SYNJ2: variants seen among roughly 807,000 people sequenced by gnomAD.
SYNJ2 encodes the protein synaptojanin 2.
A neutral mutation model predicts 141.3 loss-of-function variants in SYNJ2; 116 were observed. That is an observed-to-expected ratio of 0.82 (90% confidence interval 0.71 to 0.96). The LOEUF is 0.96. Among genes scored for constraint, SYNJ2 ranks in the 40% least tolerant of loss-of-function variants. SYNJ2 has a pLI of 0.00. For synonymous variants in SYNJ2, 745 were observed against 777.7 expected (o/e 0.96, Z 0.70); for missense variants, 1,873 against 1,934.8 (o/e 0.97, Z 0.60).
intron 6 of SYNJ2, among the ~76,000 whole-genome samples, chr6:158,055,371 A>G (rs1398719865): frequency 6.6e-6 from 1 of 152,224 alleles, no homozygotes; most frequent in Non-Finnish European, 1.5e-5. Context: ...GTTTTAAAAT[A>G]GTATAGAATA....
rs747979746 is a variant in SYNJ2 at position 158,069,580 on chromosome 6, C to T, written c.1847C>T (p.Ser616Leu). Residue 616 changes from serine (S) to leucine (L), a missense_variant, in exon 14 of 27, where the codon TCA (serine) becomes TTA (leucine). Physicochemically the swap from Ser to Leu is moderately radical, Grantham distance 145. Transcript: ENST00000355585. ...MWGEQLQKAI[S>L]RSHRYILLTS... The stretch of plus-strand genomic sequence containing the variant: ...GGTGAACAGCTTCAGAAAGCCATCT[C>T]ACGCTCTCATAGATACATTCTGTTG... 5 of 1,613,942 alleles carry T rather than the reference C, an allele frequency of 3.1e-6. No homozygotes were observed. In the South Asian group the frequency reaches 3.3e-5, roughly 11 times the overall value.
intron 2 of SYNJ2, among the ~76,000 whole-genome samples, chr6:158,026,370 C>T (rs544226869): frequency 2.6e-5 from 4 of 152,324 alleles, no homozygotes; most frequent in South Asian, 2.1e-4. Context: ...CCTCTCTGTG[C>T]GTCTGTTTCC....
In SYNJ2 at chr6:158,095,647, A is replaced by T; in HGVS notation, c.3774A>T (p.Gln1258His). Residue 1258 changes from glutamine to histidine, a missense_variant, in exon 27 of 27, where the codon CAA becomes CAT. By Grantham distance (24) the Gln-to-His change is conservative. Coordinates refer to ENST00000355585, the MANE Select transcript of SYNJ2 (RefSeq NM_003898.4). ...TGTCACCGGAAGAACAGTTTGAGCA[A>T]CAGACTGTCCATTTTACAATCGGGC... Reference protein sequence around the residue: ...KPLSPEEQFEQQTVHFTIGPP... With the variant: ...KPLSPEEQFEHQTVHFTIGPP... 1 of 1,610,446 alleles carries T rather than the reference A, an allele frequency of 6.2e-7. No homozygotes were observed. Among genetic ancestry groups the T allele is most frequent in the African/African-American group, 1.3e-5 (1 of 74,838 alleles).
chr6:157,989,738 G>C (rs1777344471), intron 1 of SYNJ2, among the ~76,000 whole-genome samples: 1 of 152,110 alleles, frequency 6.6e-6, no homozygotes, highest in Non-Finnish European at 1.5e-5. Flanking sequence ...GCCCCCCAGT[G>C]CAAAGGATGC....
At chr6:158,010,782 A>G (rs1778234116) in intron 1 of SYNJ2, among the ~76,000 whole-genome samples, 1 of 152,110 alleles carries the variant, frequency 6.6e-6, no homozygotes. Context: ...ATGGAGGGAC[A>G]TGTGGGGAGA....
intron 18 of SYNJ2, among the ~76,000 whole-genome samples, chr6:158,079,534 G>A (rs368754195): frequency 4.0e-5 from 6 of 151,840 alleles, no homozygotes; most frequent in Non-Finnish European, 7.4e-5. Context: ...CACCATGCCC[G>A]GCTGATTTTT....
intron 4 of SYNJ2, among the ~76,000 whole-genome samples, chr6:158,041,337 T>A (rs1302975183): frequency 2.0e-5 from 3 of 152,210 alleles, no homozygotes; most frequent in Non-Finnish European, 4.4e-5. Flanking sequence ...AGGTGAGACA[T>A]CACTTCTTCC....
intron 1 of SYNJ2, among the ~76,000 whole-genome samples, chr6:157,996,509 G>A (rs1424508816): frequency 6.6e-6 from 1 of 152,084 alleles, no homozygotes; most frequent in Non-Finnish European, 1.5e-5. Context: ...ACTGCATTCA[G>A]CAGCCTGACT....
intron 1 of SYNJ2, among the ~76,000 whole-genome samples, chr6:158,006,332 C>T (rs763696641): frequency 6.6e-6 from 1 of 152,164 alleles, no homozygotes; most frequent in Non-Finnish European, 1.5e-5. Flanking sequence ...CCTCCCCATT[C>T]AGGTTTTTGC....
chr6:158,063,659 CAAAAAAAAAAAAAA>C (rs71298907), intron 8 of SYNJ2, 118 bp from the exon 9 acceptor site: 74 of 188,806 alleles, frequency 3.9e-4, no homozygotes, highest in Non-Finnish European at 6.3e-4. Context: ...GACTCTGTCT[CAAAAAAAAAAAAAA>C]AAAAAAAAAA....
intron 1 of SYNJ2, among the ~76,000 whole-genome samples, chr6:157,988,251 T>C (rs1185413235): frequency 6.6e-6 from 1 of 152,176 alleles, no homozygotes; most frequent in Non-Finnish European, 1.5e-5. Context: ...CGAGGCTCCC[T>C]GCAGGGGGGC....
rs148555169 is a variant in SYNJ2, at chr6:158,053,696, T to C, written c.796-1271T>C. Among the ~76,000 whole-genome samples, 1,342 of 150,978 alleles carry C rather than the reference T, an allele frequency of 8.9e-3. 23 individuals carry two copies. Among genetic ancestry groups the C allele is most frequent in the African/African-American group, 0.031 (1,270 of 41,014 alleles). On this transcript the variant is annotated intron_variant, in intron 5 of 26. Coordinates refer to ENST00000355585, the MANE Select transcript of SYNJ2 (RefSeq NM_003898.4). ...CTCTATCCAGCCAGTCATCCATCCA[T>C]CCATCCAGTCATCCACCCATCCAGC...
intron 1 of SYNJ2, among the ~76,000 whole-genome samples, chr6:158,008,027 A>C (rs1778136625): frequency 6.6e-6 from 1 of 152,110 alleles, no homozygotes; most frequent in Admixed American, 6.5e-5. Context: ...CCTGGGCTCA[A>C]CCAGTCCTCC....
intron 8 of SYNJ2, among the ~76,000 whole-genome samples, chr6:158,063,345 G>C (rs1056381583): frequency 7.9e-5 from 12 of 152,090 alleles, no homozygotes; most frequent in Non-Finnish European, 1.6e-4. Context: ...TGGGGTTTCT[G>C]GGGGGCTATT....
intron 5 of SYNJ2, among the ~76,000 whole-genome samples, chr6:158,049,216 A>G (rs1780421376): frequency 6.6e-6 from 1 of 152,156 alleles, no homozygotes; most frequent in Non-Finnish European, 1.5e-5. Flanking sequence ...AGATAAGAGT[A>G]GCTGGCCCTT....
In SYNJ2 at chr6:158,096,092, C is replaced by A. The variant is rs978637089; in HGVS notation, c.4219C>A (p.Leu1407Ile). 6.2e-6 allele frequency: 10 copies of A among 1,614,128 alleles called. No homozygotes were observed. In the East Asian group the frequency reaches 2.2e-4, roughly 36 times the overall value. ...TKAMKPEAAP[L>I]LGDYQDPFWN... ...AGCGATGAAGCCAGAGGCAGCCCCACTTCTTGGTGATTATCAGGACCCCTT... is the reference window on the plus strand; with the variant it reads ...AGCGATGAAGCCAGAGGCAGCCCCAATTCTTGGTGATTATCAGGACCCCTT... Residue 1407 changes from leucine to isoleucine, a missense_variant, in exon 27 of 27, where the codon CTT becomes ATT. Physicochemically the swap from Leu to Ile is conservative, Grantham distance 5. Coordinates refer to ENST00000355585, the MANE Select transcript of SYNJ2 (RefSeq NM_003898.4).
At chr6:158,007,263 C>T (rs1022979920) in intron 1 of SYNJ2, among the ~76,000 whole-genome samples, 2 of 152,284 alleles carry the variant, frequency 1.3e-5, no homozygotes, top group Admixed American at 6.5e-5. Context: ...CCCCCACACC[C>T]GGCCCCATGA....
intron 5 of SYNJ2, among the ~76,000 whole-genome samples, chr6:158,048,179 T>C (rs111759874): frequency 0.012 from 1,798 of 152,080 alleles, 30 homozygotes; most frequent in African/African-American, 0.04. Context: ...CAGGGCAGTG[T>C]TGTGTGGACA....
chr6:158,011,832 A>G (rs1778280469), intron 1 of SYNJ2, among the ~76,000 whole-genome samples: 1 of 152,248 alleles, frequency 6.6e-6, no homozygotes, highest in Non-Finnish European at 1.5e-5. Flanking sequence ...CGTGGTTCAC[A>G]AAGTCAGAAC....
Sources: allele counts gnomAD v4.1 joint callset (sites outside exome capture counted in the v4.1 genomes callset), GRCh38; gene constraint gnomAD v4.1.1; transcripts MANE v1.5; gene names NCBI Gene and HGNC (gene_info 2026-07-23, HGNC 2026-07-21).